The following AIG1 variants were observed in gnomAD, a reference collection of about 807,000 sequenced individuals.
The protein encoded by AIG1 is androgen induced 1, also known as androgen-induced gene 1 protein.
In AIG1, 23 loss-of-function variants were observed where a neutral mutation model predicts 31.4. The ratio of observed to expected loss-of-function variants is 0.73; its 90% CI spans 0.53 to 1.04. The LOEUF (loss-of-function observed/expected upper bound fraction) is 1.04. Among genes scored for constraint, AIG1 ranks in the 50% least tolerant of loss-of-function variants. AIG1 has a pLI of 0.00. For missense variants in AIG1, 274 were observed against 295.0 expected (o/e 0.93, Z 0.52); for synonymous variants, 100 against 110.5 (o/e 0.90, Z 0.60).
intron 2 of AIG1, among the ~76,000 whole-genome samples, chr6:143,148,732 A>G (rs1214761826): frequency 2.0e-5 from 3 of 151,772 alleles, no homozygotes; most frequent in African/African-American, 7.3e-5. Flanking sequence ...CTGCAGTAAG[A>G]CTGATTGCTT....
intron 1 of AIG1, among the ~76,000 whole-genome samples, chr6:143,108,143 C>T (rs528151794): frequency 1.1e-4 from 17 of 152,256 alleles, no homozygotes; most frequent in Admixed American, 5.9e-4. Context: ...GTAACAGAAG[C>T]GACTCTGCAG....
Position 143,309,786 on chromosome 6 carries a change from G to T in AIG1, c.516-23496G>T, listed in dbSNP as rs369909243. On this transcript the variant is annotated intron_variant, in intron 4 of 5. Coordinates refer to ENST00000357847, the MANE Select transcript of AIG1 (RefSeq NM_016108.4). ...ACTTTAAACATAAAGACACAGCTGG[G>T]CTAAGAGTAAAATGATGAAGAAAGA... Among the ~76,000 whole-genome samples the T allele has an allele frequency of 3.9e-4, 59 of 152,022 alleles. No homozygotes were observed. In the East Asian group the frequency reaches 4.6e-3, roughly 12 times the overall value.
At chr6:143,321,606 GA>G (rs1177963954) in intron 4 of AIG1, among the ~76,000 whole-genome samples, 1 of 151,990 alleles carries the variant, frequency 6.6e-6, no homozygotes, top group African/African-American at 2.4e-5. Flanking sequence ...AAATTAAAAT[GA>G]AATGAAATGA....
At chr6:143,211,369 C>T (rs951543018) in intron 3 of AIG1, among the ~76,000 whole-genome samples, 2 of 152,090 alleles carry the variant, frequency 1.3e-5, no homozygotes, top group Admixed American at 1.3e-4. Context: ...ATGTGTATTG[C>T]GGCTGGTGCT....
At chr6:143,290,358 G>T (rs1038118009) in intron 4 of AIG1, among the ~76,000 whole-genome samples, 1 of 152,202 alleles carries the variant, frequency 6.6e-6, no homozygotes, top group East Asian at 1.9e-4. Context: ...TGCTTCCGGG[G>T]TCTTGTGTTC....
At position 143,184,989 on chromosome 6, in the gene AIG1, A is replaced by C. The variant is rs541437594; in HGVS notation, c.399+19806A>C. Among the ~76,000 whole-genome samples the C allele has an allele frequency of 1.0e-3, 153 of 152,080 alleles. 4 individuals carry two copies. In the South Asian group the frequency reaches 0.031, roughly 30 times the overall value. ...GAGGTGGGCGGATCACAAGGTCAAG[A>C]GATGGAGACCATTCTGGCCGACATG... On this transcript the variant is annotated intron_variant, in intron 3 of 5. Coordinates refer to ENST00000357847, the MANE Select transcript of AIG1 (RefSeq NM_016108.4).
In AIG1 at chr6:143,326,381, C is replaced by T. The variant is rs1436304524; in HGVS notation, c.516-6901C>T. On this transcript the variant is annotated intron_variant, in intron 4 of 5. Transcript: ENST00000357847. This position sits in a 1 kb window ranked among gnomAD's most constrained non-coding sequence, Gnocchi z 4.5. ...TTTTTTGGCTAGAAAGTTCTTTCCT[C>T]CCATCTTTACTCAATGAATTCTTAT... 6.6e-6 allele frequency among the ~76,000 whole-genome samples: 1 copy of T among 150,786 alleles called. No individual in the cohort carries two copies. The highest frequency in any genetic ancestry group is 1.5e-5 in the Non-Finnish European group (1 of 68,024).
At chr6:143,171,606 A>G (rs1007318730) in intron 3 of AIG1, among the ~76,000 whole-genome samples, 9 of 146,538 alleles carry the variant, frequency 6.1e-5, no homozygotes, top group Admixed American at 7.0e-5. Flanking sequence ...AAGGTTCTAT[A>G]TTTTTGAAAT....
At chr6:143,246,095 G>A (rs1794604810) in intron 3 of AIG1, among the ~76,000 whole-genome samples, 1 of 152,058 alleles carries the variant, frequency 6.6e-6, no homozygotes, top group South Asian at 2.1e-4. Context: ...AGCCATCCTG[G>A]GCTGCAGGTG....
At chr6:143,170,204 A>G (rs919796076) in intron 3 of AIG1, among the ~76,000 whole-genome samples, 1 of 151,942 alleles carries the variant, frequency 6.6e-6, no homozygotes, top group African/African-American at 2.4e-5. Flanking sequence ...CTAGCAGTAA[A>G]CTGTTCTGTC....
At chr6:143,200,613 G>A (rs558629067) in intron 3 of AIG1, among the ~76,000 whole-genome samples, 1 of 152,176 alleles carries the variant, frequency 6.6e-6, no homozygotes, top group Non-Finnish European at 1.5e-5. Context: ...ATCAGTGACC[G>A]CCGTGTTGAC....
At chr6:143,273,128 C>CA (rs200300066) in intron 3 of AIG1, among the ~76,000 whole-genome samples, 8 of 150,086 alleles carry the variant, frequency 5.3e-5, no homozygotes, top group Middle Eastern at 3.4e-3. Flanking sequence ...GACTTCGTCT[C>CA]AAAAAAAAAT....
At chr6:143,061,212 A>G (rs903063180) in intron 1 of AIG1, 146 bp downstream of exon 1, 1 of 1,004,896 alleles carries the variant, frequency 1.0e-6, no homozygotes, top group Non-Finnish European at 1.5e-6. Flanking sequence ...CCTCTTCCCC[A>G]GTGATTGCGT....
chr6:143,308,126 A>G (rs1351125301), intron 4 of AIG1, among the ~76,000 whole-genome samples: 1 of 152,218 alleles, frequency 6.6e-6, no homozygotes, highest in Non-Finnish European at 1.5e-5. Flanking sequence ...TTCTTTGACT[A>G]GGAAAGGGAA....
At position 143,203,665 on chromosome 6, in the gene AIG1, A is replaced by G. The variant is rs555573236; in HGVS notation, c.399+38482A>G. Among the ~76,000 whole-genome samples the G allele has an allele frequency of 2.0e-5, 3 of 152,322 alleles. No homozygotes were observed. The South Asian group carries it at 6.2e-4, about 32-fold the overall frequency. Reference sequence around the variant, plus strand: ...CTTTAAAAACAGAATTCTGTATAGAATCAGAGAGAGTTTCTCACAGTCTCA... The same window carrying G: ...CTTTAAAAACAGAATTCTGTATAGAGTCAGAGAGAGTTTCTCACAGTCTCA... On this transcript the variant is annotated intron_variant, in intron 3 of 5. Transcript: ENST00000357847.
At chr6:143,079,713 T>G (rs2128467452) in intron 1 of AIG1, among the ~76,000 whole-genome samples, 1 of 152,250 alleles carries the variant, frequency 6.6e-6, no homozygotes, top group South Asian at 2.1e-4. Context: ...ATATTGATTG[T>G]CTTAGTGAAT....
intron 1 of AIG1, among the ~76,000 whole-genome samples, chr6:143,101,862 C>G (rs78439312): frequency 0.075 from 11,464 of 151,950 alleles, 812 homozygotes; most frequent in East Asian, 0.37. Flanking sequence ...AGAAAACAAA[C>G]AAAAACAATC....
intron 1 of AIG1, among the ~76,000 whole-genome samples, chr6:143,121,399 A>G (rs745944260): frequency 7.9e-5 from 12 of 152,222 alleles, no homozygotes; most frequent in South Asian, 2.1e-4. Flanking sequence ...TAATATACAT[A>G]TATTTTTCAA....
downstream of AIG1, chr6:143,342,401 G>T: frequency 1.4e-6 from 1 of 716,428 alleles, no homozygotes; most frequent in Non-Finnish European, 2.6e-6. Context: ...AAAAAATGTG[G>T]TTCAGAAAAG....
Sources: gnomAD v4.1 joint callset for allele counts (sites outside exome capture counted in the v4.1 genomes callset) on GRCh38, gnomAD v4.1.1 for gene constraint, Gnocchi (gnomAD v3.1) non-coding constraint, MANE v1.5 for transcripts, NCBI Gene and HGNC (gene_info 2026-07-23, HGNC 2026-07-21) for gene names.